CTNNA3: variants seen among roughly 807,000 people sequenced by gnomAD.
CTNNA3 encodes the protein catenin alpha-3.
CTNNA3 carries 76 observed loss-of-function variants against 95.7 expected under a neutral mutation model. That is an observed-to-expected ratio of 0.79 (90% CI 0.66 to 0.96). The LOEUF is 0.96. Among genes scored for constraint, CTNNA3 ranks in the 40% least tolerant of loss-of-function variants. The pLI is 0.00. For missense variants in CTNNA3, 1,191 were observed against 1,089.8 expected, an observed-to-expected ratio of 1.09 and a Z score of -1.31; for synonymous variants, 431 against 374.4, an observed-to-expected ratio of 1.15 and a Z score of -1.74.
intron 13 of CTNNA3, among the ~76,000 whole-genome samples, chr10:66,228,151 T>G (rs1219787616): frequency 6.6e-6 from 1 of 152,096 alleles, no homozygotes; most frequent in Non-Finnish European, 1.5e-5. Context: ...ATCTTTTGTA[T>G]TTTTTGTGCC....
At chr10:66,053,570 A>G (rs1344183545) in intron 15 of CTNNA3, among the ~76,000 whole-genome samples, 1 of 152,020 alleles carries the variant, frequency 6.6e-6, no homozygotes, top group Non-Finnish European at 1.5e-5. Context: ...TGTGCTATCA[A>G]ATAGTAGGTC....
intron 10 of CTNNA3, among the ~76,000 whole-genome samples, chr10:66,616,695 A>G (rs947069544): frequency 6.6e-6 from 1 of 152,068 alleles, no homozygotes; most frequent in African/African-American, 2.4e-5. Flanking sequence ...ACGTGAATTC[A>G]ATTGTACTTA....
chr10:66,219,738 C>G (rs1471717143), intron 13 of CTNNA3, among the ~76,000 whole-genome samples: 1 of 151,944 alleles, frequency 6.6e-6, no homozygotes, highest in Non-Finnish European at 1.5e-5. Context: ...TCCACAGAAA[C>G]TTTTGGATAA....
intron 5 of CTNNA3, among the ~76,000 whole-genome samples, chr10:67,291,889 G>A (rs1465121897): frequency 6.6e-6 from 1 of 152,174 alleles, no homozygotes; most frequent in Non-Finnish European, 1.5e-5. Context: ...GCATACAAAT[G>A]TATTTAATGT....
intron 5 of CTNNA3, among the ~76,000 whole-genome samples, chr10:67,320,189 ATCT>A (rs1452023216): frequency 2.0e-5 from 3 of 152,166 alleles, no homozygotes; most frequent in Non-Finnish European, 4.4e-5. Flanking sequence ...AAGCTCAGTA[ATCT>A]TCTGAGCCAA....
At chr10:67,571,246 A>T (rs1205452486) in intron 3 of CTNNA3, among the ~76,000 whole-genome samples, 1 of 152,224 alleles carries the variant, frequency 6.6e-6, no homozygotes. Context: ...CTGGTTAGTT[A>T]TTCACAGAGT....
intron 5 of CTNNA3, among the ~76,000 whole-genome samples, chr10:67,497,560 G>A (rs7358076): frequency 0.068 from 10,403 of 152,200 alleles, 429 homozygotes; most frequent in South Asian, 0.14. Flanking sequence ...CAGTGTAAAA[G>A]CCTTCCTATT....
intron 7 of CTNNA3, among the ~76,000 whole-genome samples, chr10:66,852,208 C>A (rs757126408): frequency 6.6e-6 from 1 of 152,000 alleles, no homozygotes; most frequent in South Asian, 2.1e-4. Context: ...GTACAGGTAC[C>A]TTCTACTATT....
At chr10:67,593,958 T>C (rs1842861899) in intron 3 of CTNNA3, among the ~76,000 whole-genome samples, 1 of 152,218 alleles carries the variant, frequency 6.6e-6, no homozygotes, top group Admixed American at 6.5e-5. Context: ...TTGAGGGTTT[T>C]TAAACTGAAA....
chr10:66,155,829 A>T (rs2084471941), intron 13 of CTNNA3, among the ~76,000 whole-genome samples: 1 of 151,920 alleles, frequency 6.6e-6, no homozygotes, highest in South Asian at 2.1e-4. Flanking sequence ...AAAAGCCAAG[A>T]ACTTCTGTTT....
intron 9 of CTNNA3, among the ~76,000 whole-genome samples, chr10:66,683,426 T>C (rs713297): frequency 0.55 from 83,703 of 151,506 alleles, 23,823 homozygotes; most frequent in African/African-American, 0.68. Flanking sequence ...AATTAAACTT[T>C]GTAATGCTCT....
At position 67,180,515 on chromosome 10, in the gene CTNNA3, T is replaced by C. The variant is rs762976031; in HGVS notation, c.849A>G (p.Leu283=). 2.5e-5 allele frequency: 41 copies of C among 1,611,816 alleles called. No homozygotes were observed. The highest frequency in any genetic ancestry group is 3.4e-5 in the Non-Finnish European group (40 of 1,178,148). The change falls in exon 7 of 18, where the codon TTA becomes TTG. Residue 283 remains leucine, a synonymous_variant. Coordinates refer to ENST00000433211, the MANE Select transcript of CTNNA3 (RefSeq NM_013266.4). The stretch of plus-strand genomic sequence containing the variant: ...TTACTGTGAGTGGATTCAGGACAAT[T>C]AAATTCTAAGAGAAGAACACATTTG... ...LGSALDELEN[L]IVLNPLTVTE...
At position 65,913,358 on chromosome 10, in the gene CTNNA3, T is replaced by C. The variant is rs2076968798; in HGVS notation, c.*6972A>G. The C allele has an allele frequency of 6.6e-6, 1 of 152,140 alleles. No individual in the cohort carries two copies. Among genetic ancestry groups the C allele is most frequent in the South Asian group, 2.1e-4 (1 of 4,830 alleles). The allele number at this position is 152,140 out of a possible 1,614,324, so 9.4% of individuals were successfully genotyped here. Reference sequence around the variant, plus strand: ...AAATTTTGTTTTAAGCCTCAATTATTAGGTACTAAATTGGGCATAAAATAT... The same window carrying C: ...AAATTTTGTTTTAAGCCTCAATTATCAGGTACTAAATTGGGCATAAAATAT... On this transcript the variant is annotated 3_prime_UTR_variant, in exon 18 of 18. Coordinates refer to ENST00000433211, the MANE Select transcript of CTNNA3 (RefSeq NM_013266.4).
intron 7 of CTNNA3, among the ~76,000 whole-genome samples, chr10:67,146,149 A>G (rs1306006737): frequency 6.6e-6 from 1 of 152,216 alleles, no homozygotes; most frequent in African/African-American, 2.4e-5. Flanking sequence ...CATTAAAATA[A>G]TGTTGAAATG....
intron 10 of CTNNA3, among the ~76,000 whole-genome samples, chr10:66,542,174 C>A (rs992651445): frequency 5.9e-5 from 9 of 152,080 alleles, no homozygotes; most frequent in African/African-American, 1.4e-4. Flanking sequence ...AAATGCAAAT[C>A]AAAACCACAA....
At chr10:67,431,024 A>G (rs1846094542) in intron 5 of CTNNA3, among the ~76,000 whole-genome samples, 1 of 151,984 alleles carries the variant, frequency 6.6e-6, no homozygotes, top group Non-Finnish European at 1.5e-5. Context: ...CCTTAAGTTA[A>G]CAAAATGGGT....
intron 1 of CTNNA3, chr10:67,750,878 A>G: frequency 6.2e-7 from 1 of 1,610,984 alleles, no homozygotes; most frequent in Non-Finnish European, 8.5e-7. Context: ...CTGATCCAGT[A>G]CTGCCACTCC....
At chr10:66,702,684 G>A (rs1847986362) in intron 9 of CTNNA3, among the ~76,000 whole-genome samples, 1 of 127,814 alleles carries the variant, frequency 7.8e-6, no homozygotes, top group African/African-American at 2.9e-5. Context: ...TCTAGCCTGG[G>A]CAACAAGAGT....
intron 5 of CTNNA3, among the ~76,000 whole-genome samples, chr10:67,296,742 T>C (rs920346286): frequency 6.6e-6 from 1 of 151,868 alleles, no homozygotes; most frequent in Non-Finnish European, 1.5e-5. Context: ...AAGACCAGCC[T>C]GGCCAATGTG....
Sources: allele counts gnomAD v4.1 joint callset (sites outside exome capture counted in the v4.1 genomes callset), GRCh38; gene constraint gnomAD v4.1.1; transcripts MANE v1.5; gene names NCBI Gene and HGNC (gene_info 2026-07-23, HGNC 2026-07-21).